Variants in BTBD8 observed in about 807,000 individuals in gnomAD.
BTBD8 encodes BTB/POZ domain-containing protein 8.
A neutral mutation model predicts 162.9 loss-of-function variants in BTBD8; 110 were observed. The ratio of observed to expected loss-of-function variants is 0.68; its 90% CI spans 0.58 to 0.79. BTBD8 has a LOEUF of 0.79. Among genes scored for constraint, BTBD8 ranks in the 30% least tolerant of loss-of-function variants. The pLI, the probability that BTBD8 is intolerant of heterozygous loss-of-function variation, is 0.00. For missense variants in BTBD8, 1,905 were observed against 2,085.4 expected (o/e 0.91, Z 1.68); for synonymous variants, 667 against 716.1 (o/e 0.93, Z 1.10).
chr1:92,171,426 G>C lies in BTBD8; in HGVS notation c.1601G>C (p.Arg534Thr). The C allele has an allele frequency of 6.5e-7, 1 of 1,537,826 alleles. No individual in the cohort carries two copies. Among genetic ancestry groups the C allele is most frequent in the East Asian group, 2.5e-5 (1 of 40,266 alleles). Residue 534 changes from arginine (R) to threonine (T), a missense_variant, in exon 13 of 18, where the codon AGA (arginine) becomes ACA (threonine). Transcript: ENST00000636805. ...GCATTTGACAAAGGTGATGATCGAA[G>C]ACTTGGCAAAAAGCCTATATTCAGT... ...AAAFDKGDDR[R>T]LGKKPIFSSS... is the part of the protein sequence containing the mutation.
In BTBD8 at chr1:92,177,359, C is replaced by T. The variant is rs748825502; in HGVS notation, c.2166C>T (p.Ile722=). The T allele has an allele frequency of 1.8e-5, 28 of 1,551,644 alleles. No homozygotes were observed. The highest frequency in any genetic ancestry group is 9.8e-5 in the Admixed American group (5 of 50,976). The change falls in exon 14 of 18, where the codon ATC becomes ATT. Residue 722 remains isoleucine (I), a synonymous_variant. Transcript: ENST00000636805. ...ATGKDSPCLS[I]AGPSSRSTDS... is the part of the protein sequence containing the mutation. ...GGAAGGATTCACCATGCCTCAGCAT[C>T]GCAGGACCCTCCAGCAGATCCACAG...
chr1:92,145,217 G>A (rs1649883842), intron 7 of BTBD8, among the ~76,000 whole-genome samples: 1 of 152,104 alleles, frequency 6.6e-6, no homozygotes, highest in Non-Finnish European at 1.5e-5. Flanking sequence ...ACCTTGCCTC[G>A]ACATCCCAAA....
chr1:92,182,105 C>T lies in BTBD8; in HGVS notation c.4422C>T (p.Gly1474=), dbSNP rs1444116843. The change falls in exon 17 of 18, where the codon GGC becomes GGT. Residue 1474 remains glycine, a synonymous_variant. Coordinates refer to ENST00000636805, the MANE Select transcript of BTBD8 (RefSeq NM_001376131.1). ...DSFSPSDVFD[G]ISHEHHGRTC... ...TTTCACCTTCTGATGTTTTTGATGG[C>T]ATTTCTCATGAACATCATGGAAGGA... 7.1e-6 allele frequency: 11 copies of T among 1,551,468 alleles called. No homozygotes were observed. In the East Asian group the frequency reaches 2.7e-4, roughly 38 times the overall value.
chr1:92,172,369 CTG>C (rs1185422303), intron 13 of BTBD8, among the ~76,000 whole-genome samples: 1 of 152,134 alleles, frequency 6.6e-6, no homozygotes, highest in African/African-American at 2.4e-5. Flanking sequence ...CATTACTACA[CTG>C]TTACTGAAGT....
At position 92,137,577 on chromosome 1, in the gene BTBD8, T is replaced by G. The variant is rs533287583; in HGVS notation, c.753-1773T>G. On this transcript the variant is annotated intron_variant, in intron 5 of 17. Transcript: ENST00000636805. ...CTTCAAGGGGGCCCAATAAATAGCA[T>G]ACTTCCTTCCTGTTCAGAATAAGAC... Among the ~76,000 whole-genome samples the G allele has an allele frequency of 9.3e-4, 141 of 152,344 alleles. 1 individual carries two copies. Among genetic ancestry groups the G allele is most frequent in the African/African-American group, 2.9e-3 (119 of 41,592 alleles).
chr1:92,099,687 A>C (rs1352440352), intron 2 of BTBD8, among the ~76,000 whole-genome samples: 1 of 152,120 alleles, frequency 6.6e-6, no homozygotes, highest in Non-Finnish European at 1.5e-5. Context: ...TTGGTTGTTC[A>C]GTGCTAGTAT....
At chr1:92,171,957 G>A (rs1650558109) in intron 13 of BTBD8, among the ~76,000 whole-genome samples, 1 of 152,110 alleles carries the variant, frequency 6.6e-6, no homozygotes, top group South Asian at 2.1e-4. Flanking sequence ...CAGGCATGGT[G>A]GTGCACACCT....
chr1:92,117,478 T>G (rs1199571763), intron 4 of BTBD8, among the ~76,000 whole-genome samples: 2 of 151,908 alleles, frequency 1.3e-5, no homozygotes, highest in African/African-American at 4.9e-5. Flanking sequence ...GCCTTTCTAC[T>G]GAGGCTTCTG....
rs1361898936 is a variant in BTBD8, at chr1:92,167,148, G to T, written c.1305+8G>T. ...TTTGCTCTTCTTTTACAGGTACTAT[G>T]CCTAAATTATATCCTATATTTAGTT... On this transcript the variant is annotated splice_region_variant and intron_variant, in intron 10 of 17. Coordinates refer to ENST00000636805, the MANE Select transcript of BTBD8 (RefSeq NM_001376131.1). 2.6e-6 allele frequency: 4 copies of T among 1,550,258 alleles called. No homozygotes were observed. Among genetic ancestry groups the T allele is most frequent in the Non-Finnish European group, 3.5e-6 (4 of 1,146,814 alleles).
Position 92,159,187 on chromosome 1 carries a change from T to C in BTBD8, c.1123-7771T>C, listed in dbSNP as rs188488175. On this transcript the variant is annotated intron_variant, in intron 9 of 17. Coordinates refer to ENST00000636805, the MANE Select transcript of BTBD8 (RefSeq NM_001376131.1). ...CTTTCTTTCTTTCTTTTTTTTTTTT[T>C]CTGGAGATGAGGTCTTGCTCTGTCG... Among the ~76,000 whole-genome samples the C allele has an allele frequency of 3.6e-3, 547 of 150,130 alleles. 4 individuals are homozygous for C. The highest frequency in any genetic ancestry group is 4.4e-3 in the Non-Finnish European group (300 of 67,818).
intron 3 of BTBD8, among the ~76,000 whole-genome samples, chr1:92,104,507 C>G (rs1648675167): frequency 6.6e-6 from 1 of 152,206 alleles, no homozygotes; most frequent in African/African-American, 2.4e-5. Flanking sequence ...ATTGACAGAG[C>G]TGATATTTGA....
At chr1:92,165,824 G>T (rs1478509535) in intron 9 of BTBD8, among the ~76,000 whole-genome samples, 1 of 152,154 alleles carries the variant, frequency 6.6e-6, no homozygotes, top group Non-Finnish European at 1.5e-5. Context: ...TCTAGAACTT[G>T]CACATCACCA....
intron 7 of BTBD8, among the ~76,000 whole-genome samples, chr1:92,141,727 T>A (rs1382077518): frequency 6.6e-6 from 1 of 152,232 alleles, no homozygotes. Flanking sequence ...TCTCATACTA[T>A]GCATTTTGAA....
Position 92,080,458 on chromosome 1 carries a change from G to A in BTBD8, c.-114G>A. 1.4e-6 allele frequency: 2 copies of A among 1,472,606 alleles called. No individual in the cohort carries two copies. Among genetic ancestry groups the A allele is most frequent in the Non-Finnish European group, 1.8e-6 (2 of 1,101,270 alleles). The allele number at this position is 1,472,606 out of a possible 1,614,324, so 91.2% of individuals were successfully genotyped here. On this transcript the variant is annotated 5_prime_UTR_variant, in exon 1 of 18. Transcript: ENST00000636805. ...GAGAGGCGTCAACCTTTTACCCTAG[G>A]GGGCGGATTTGGGTAGGAGCCGAGC...
intron 5 of BTBD8, among the ~76,000 whole-genome samples, chr1:92,137,183 G>A (rs1292489682): frequency 2.0e-5 from 3 of 152,098 alleles, no homozygotes; most frequent in Non-Finnish European, 2.9e-5. Context: ...AAGGAATTTG[G>A]ACTTTCTTTT....
intron 2 of BTBD8, among the ~76,000 whole-genome samples, chr1:92,100,209 T>C (rs575339995): frequency 6.6e-6 from 1 of 152,338 alleles, no homozygotes; most frequent in South Asian, 2.1e-4. Flanking sequence ...TATAATCCCT[T>C]TTATATGCTG....
intron 7 of BTBD8, 139 bp downstream of exon 7, chr1:92,141,350 G>A: frequency 1.1e-6 from 1 of 935,624 alleles, no homozygotes; most frequent in Non-Finnish European, 1.5e-6. Context: ...CTCCAGTTGA[G>A]AAATAATTCA....
intron 4 of BTBD8, among the ~76,000 whole-genome samples, chr1:92,109,252 C>CTTTTTTTTTT (rs77374096): frequency 8.1e-6 from 1 of 123,984 alleles, no homozygotes; most frequent in African/African-American, 2.9e-5. Context: ...GTCTTGTTTT[C>CTTTTTTTTTT]TTTTTTTTTT....
chr1:92,084,875 C>T (rs1648113791), intron 1 of BTBD8, among the ~76,000 whole-genome samples: 1 of 152,184 alleles, frequency 6.6e-6, no homozygotes, highest in South Asian at 2.1e-4. Flanking sequence ...TGCCACTTCG[C>T]ACCCTCTCAG....
Sources: allele counts gnomAD v4.1 joint callset (sites outside exome capture counted in the v4.1 genomes callset), GRCh38; gene constraint gnomAD v4.1.1; transcripts MANE v1.5; gene names NCBI Gene and HGNC (gene_info 2026-07-23, HGNC 2026-07-21).